Variants in MEP1A observed in about 807,000 individuals in gnomAD.
MEP1A encodes the protein meprin A subunit alpha.
Under a neutral mutation model 84.5 loss-of-function variants are expected in MEP1A, and 68 were observed. The ratio of observed to expected loss-of-function variants is 0.80; its 90% CI spans 0.66 to 0.98. The LOEUF (loss-of-function observed/expected upper bound fraction) is 0.98. MEP1A is among the 50% of genes least tolerant of loss of function. MEP1A has a pLI of 0.00. For missense variants in MEP1A, 887 were observed against 919.9 expected (o/e 0.96, Z 0.46); for synonymous variants, 337 against 336.8 (o/e 1.00, Z -0.01).
At chr6:46,796,723 T>C (rs1767057482) in intron 3 of MEP1A, among the ~76,000 whole-genome samples, 1 of 152,202 alleles carries the variant, frequency 6.6e-6, no homozygotes, top group Non-Finnish European at 1.5e-5. Flanking sequence ...AGGTTCTCCC[T>C]GCCCCCCATG....
chr6:46,834,226 ATT>A (rs536224558), intron 11 of MEP1A, among the ~76,000 whole-genome samples: 167 of 146,500 alleles, frequency 1.1e-3, no homozygotes, highest in African/African-American at 3.9e-3. Context: ...CCTGGCACTA[ATT>A]TTTTTTTTTT....
At chr6:46,829,605 G>T (rs1484334397) in intron 10 of MEP1A, 34 bp downstream of exon 10, 1 of 1,517,298 alleles carries the variant, frequency 6.6e-7, no homozygotes. Flanking sequence ...GAATGGATTG[G>T]GTTAAAATCC....
intron 12 of MEP1A, 127 bp from the exon 13 acceptor site, chr6:46,835,122 C>T (rs1273830642): frequency 1.2e-6 from 1 of 802,436 alleles, no homozygotes; most frequent in Non-Finnish European, 2.0e-6. Context: ...GGATTCAAAG[C>T]CACTTTTCCA....
chr6:46,828,760 C>A (rs1324447328), intron 9 of MEP1A, among the ~76,000 whole-genome samples: 1 of 152,158 alleles, frequency 6.6e-6, no homozygotes, highest in Non-Finnish European at 1.5e-5. Flanking sequence ...TCTTCAGTGT[C>A]CTTCCAATTC....
intron 4 of MEP1A, among the ~76,000 whole-genome samples, chr6:46,798,859 T>G (rs116240587): frequency 7.9e-4 from 120 of 152,332 alleles, no homozygotes; most frequent in African/African-American, 2.6e-3. Context: ...CTAAAATGAT[T>G]AAATGGCTTA....
chr6:46,839,025 G>A lies in MEP1A; in HGVS notation c.2130G>A (p.Gln710=). 1.2e-6 allele frequency: 2 copies of A among 1,613,526 alleles called. No homozygotes were observed. Among genetic ancestry groups the A allele is most frequent in the Non-Finnish European group, 1.7e-6 (2 of 1,179,570 alleles). The change falls in exon 14 of 14, where the codon CAG becomes CAA. Residue 710 remains glutamine (Q), a synonymous_variant. Coordinates refer to ENST00000230588, the MANE Select transcript of MEP1A (RefSeq NM_005588.3). The part of the protein sequence containing the change: ...HAFFYTGERC[Q]AVQVHGSVLG... ...TCTTCTACACGGGGGAGCGCTGTCA[G>A]GCCGTGCAGGTGCACGGCAGTGTCC... is the stretch of plus-strand genomic sequence containing the variant.
chr6:46,838,172 C>A (rs1423457472), intron 13 of MEP1A, among the ~76,000 whole-genome samples: 1 of 151,728 alleles, frequency 6.6e-6, no homozygotes, highest in Admixed American at 6.6e-5. Flanking sequence ...GTATTACAGG[C>A]GTATGCCACC....
chr6:46,801,779 C>T (rs1386845753), intron 5 of MEP1A, among the ~76,000 whole-genome samples: 1 of 151,934 alleles, frequency 6.6e-6, no homozygotes, highest in East Asian at 1.9e-4. Flanking sequence ...ATTTTGTGTA[C>T]AACAGGATGA....
Position 46,819,813 on chromosome 6 carries a change from A to G in MEP1A, c.556+109A>G, listed in dbSNP as rs952340467. ...GAGCTTCAGCCTCTCTAGTGGGAAG[A>G]AAGACTCTGAAGAGGTTATGATTTG... On this transcript the variant is annotated intron_variant, in intron 7 of 13. Coordinates refer to ENST00000230588, the MANE Select transcript of MEP1A (RefSeq NM_005588.3). The G allele has an allele frequency of 2.3e-5, 27 of 1,173,894 alleles. No homozygotes were observed. The African/African-American group carries it at 4.0e-4, about 17-fold the overall frequency. The allele number at this position is 1,173,894 out of a possible 1,614,324, so 72.7% of individuals were successfully genotyped here.
rs1344266277 is a variant in MEP1A, at chr6:46,835,475, C to G, written c.2010C>G (p.Phe670Leu). 1 of 1,613,390 alleles carries G rather than the reference C, an allele frequency of 6.2e-7. No individual in the cohort carries two copies. Among genetic ancestry groups the G allele is most frequent in the Non-Finnish European group, 8.5e-7 (1 of 1,179,708 alleles). ...PLEDHNWPQYFRDPCDPNPCQ... is the reference protein window; with the variant it reads ...PLEDHNWPQYLRDPCDPNPCQ... ...AGGACCATAACTGGCCACAGTACTT[C>G]AGAGACCCATGTGACCCAAACCCTT... Residue 670 changes from phenylalanine to leucine, a missense_variant, in exon 13 of 14, where the codon TTC becomes TTG. Transcript: ENST00000230588.
At chr6:46,824,607 T>C (rs1055301233) in intron 7 of MEP1A, among the ~76,000 whole-genome samples, 12 of 135,312 alleles carry the variant, frequency 8.9e-5, no homozygotes, top group Non-Finnish European at 1.7e-4. Context: ...TAAATAGATG[T>C]ATTTAAATAT....
At chr6:46,843,602 T>A (rs1768369626), downstream of MEP1A, among the ~76,000 whole-genome samples, 1 of 152,224 alleles carries the variant, frequency 6.6e-6, no homozygotes. Flanking sequence ...CTAACTGCTA[T>A]TGGAGTGTGT....
intron 5 of MEP1A, among the ~76,000 whole-genome samples, chr6:46,807,624 A>AAGGAAG (rs1767373894): frequency 1.5e-5 from 1 of 68,902 alleles, no homozygotes; most frequent in African/African-American, 6.6e-5. Flanking sequence ...AAGGAAGGAA[A>AAGGAAG]GAAGGAAGGA....
At chr6:46,815,684 G>A (rs1359034396) in intron 6 of MEP1A, among the ~76,000 whole-genome samples, 1 of 152,142 alleles carries the variant, frequency 6.6e-6, no homozygotes, top group African/African-American at 2.4e-5. Flanking sequence ...TCCCTACACT[G>A]CTCTGTCCAG....
chr6:46,825,779 A>T (rs1325569469), intron 8 of MEP1A, among the ~76,000 whole-genome samples: 1 of 152,182 alleles, frequency 6.6e-6, no homozygotes, highest in African/African-American at 2.4e-5. Context: ...TTATGTAGTT[A>T]TGTTTTATAA....
downstream of MEP1A, among the ~76,000 whole-genome samples, chr6:46,840,972 C>G (rs1768321706): frequency 6.6e-6 from 1 of 152,188 alleles, no homozygotes; most frequent in Non-Finnish European, 1.5e-5. Flanking sequence ...TATCTGACCT[C>G]AGAAGTGAAC....
chr6:46,842,958 C>A (rs548307664), downstream of MEP1A, among the ~76,000 whole-genome samples: 1 of 152,302 alleles, frequency 6.6e-6, no homozygotes, highest in East Asian at 1.9e-4. Context: ...AAATAGCCAT[C>A]CAACCTGTTT....
chr6:46,836,828 A>G (rs961758254), intron 13 of MEP1A, among the ~76,000 whole-genome samples: 5 of 146,436 alleles, frequency 3.4e-5, no homozygotes, highest in African/African-American at 1.3e-4. Flanking sequence ...TTGTTCTTAC[A>G]TGATTAGATT....
At position 46,799,201 on chromosome 6, in the gene MEP1A, A is replaced by G. The variant is rs746367395; in HGVS notation, c.262+20A>G. The G allele has an allele frequency of 1.1e-5, 17 of 1,531,118 alleles. No individual in the cohort carries two copies. The East Asian group carries it at 3.4e-4, about 30-fold the overall frequency. The allele number at this position is 1,531,118 out of a possible 1,614,324, so 94.8% of individuals were successfully genotyped here. A position where few individuals can be genotyped will look rare whatever the true frequency, so the allele number is the denominator to read the frequency against. On this transcript the variant is annotated intron_variant, in intron 5 of 13. Coordinates refer to ENST00000230588, the MANE Select transcript of MEP1A (RefSeq NM_005588.3). ...ATTTGGGTAATATTAATTGTTCTTA[A>G]TTAGGAAGTTTCAGTTTAACTCTCT... is the stretch of plus-strand genomic sequence containing the variant.
Sources: gnomAD v4.1 joint callset for allele counts (sites outside exome capture counted in the v4.1 genomes callset) on GRCh38, gnomAD v4.1.1 for gene constraint, MANE v1.5 for transcripts, NCBI Gene and HGNC (gene_info 2026-07-23, HGNC 2026-07-21) for gene names.